Variants in CAMSAP2 observed in about 807,000 individuals in gnomAD.
CAMSAP2 encodes calmodulin-regulated spectrin-associated protein 2.
In CAMSAP2, 26 loss-of-function variants were observed where a neutral mutation model predicts 146.1. The ratio of observed to expected loss-of-function variants is 0.18; its 90% CI spans 0.13 to 0.25. The LOEUF (loss-of-function observed/expected upper bound fraction) is 0.25. Among genes scored for constraint, CAMSAP2 ranks in the 10% least tolerant of loss-of-function variants. The pLI is 1.00. For synonymous variants in CAMSAP2, 499 were observed against 596.6 expected, an observed-to-expected ratio of 0.84 and a Z score of 2.38; for missense variants, 1,381 against 1,759.3, an observed-to-expected ratio of 0.78 and a Z score of 3.85.
chr1:200,807,604 AT>A (rs1375619408), intron 3 of CAMSAP2, 67 bp downstream of exon 3: 11 of 1,176,428 alleles, frequency 9.4e-6, no homozygotes, highest in African/African-American at 1.6e-5. Flanking sequence ...TAAATTATAC[AT>A]TGCCACTTCA....
Position 200,857,420 on chromosome 1 carries a change from T to C in CAMSAP2, c.4127T>C (p.Leu1376Pro). 6.3e-7 allele frequency: 1 copy of C among 1,594,620 alleles called. No individual in the cohort carries two copies. The highest frequency in any genetic ancestry group is 8.6e-7 in the Non-Finnish European group (1 of 1,162,522). The change falls in exon 16 of 17, where the codon CTG becomes CCG. Residue 1376 changes from leucine to proline, a missense_variant. Leu to Pro is a moderately conservative substitution (Grantham distance 98). This residue lies in a region of CAMSAP2 where 90 missense variants were observed against 174.4 expected (regional missense o/e 0.52). Transcript: ENST00000358823. This position sits in a 1 kb window ranked among gnomAD's most constrained non-coding sequence, Gnocchi z 4.7. ...KVNEGQKKKI[L>P]EEMEKSDANN... ...AATGAAGGTCAGAAGAAAAAAATAC[T>C]GGAGGTAAGCATGTTTGCATGAAAA... is the stretch of plus-strand genomic sequence containing the variant.
At chr1:200,766,322 T>C (rs1395621842) in intron 2 of CAMSAP2, among the ~76,000 whole-genome samples, 3 of 152,080 alleles carry the variant, frequency 2.0e-5, no homozygotes, top group African/African-American at 7.2e-5. Flanking sequence ...ATTTTTTTAT[T>C]ATTTTTTTTG....
intron 1 of CAMSAP2, among the ~76,000 whole-genome samples, chr1:200,754,621 C>T (rs1283301635): frequency 1.7e-5 from 2 of 117,038 alleles, no homozygotes; most frequent in Non-Finnish European, 3.2e-5. Flanking sequence ...CTGGCTCTGT[C>T]GCCCAGGCTG....
chr1:200,775,737 C>G (rs1665252412), intron 2 of CAMSAP2, among the ~76,000 whole-genome samples: 1 of 152,172 alleles, frequency 6.6e-6, no homozygotes, highest in East Asian at 1.9e-4. Context: ...ACCATGTTGA[C>G]CCAGGCTGGT....
intron 4 of CAMSAP2, among the ~76,000 whole-genome samples, chr1:200,821,456 A>G (rs779835276): frequency 6.8e-4 from 104 of 152,360 alleles, no homozygotes; most frequent in Admixed American, 1.9e-3. Context: ...TGCTGGGATT[A>G]CAGGCCTTTG....
chr1:200,857,787 A>G lies in CAMSAP2; in HGVS notation c.4165A>G (p.Ile1389Val), dbSNP rs1444140298. 1.9e-6 allele frequency: 3 copies of G among 1,607,038 alleles called. No homozygotes were observed. Among genetic ancestry groups the G allele is most frequent in the Non-Finnish European group, 2.5e-6 (3 of 1,178,078 alleles). ...MEKSDANNFLILFRDSGCQFR... is the reference protein window; with the variant it reads ...MEKSDANNFLVLFRDSGCQFR... ...GAAATCAGATGCCAACAACTTCTTA[A>G]TCTTGTTCCGGGATTCAGGATGCCA... Residue 1389 changes from isoleucine (I) to valine (V), a missense_variant, in exon 17 of 17, where the codon ATC becomes GTC. Ile to Val is a conservative substitution (Grantham distance 29). Transcript: ENST00000358823. The surrounding 1 kb of genome is among the most constrained non-coding windows in gnomAD (Gnocchi z 4.7).
At chr1:200,842,901 A>T (rs936683043) in intron 7 of CAMSAP2, among the ~76,000 whole-genome samples, 2 of 151,480 alleles carry the variant, frequency 1.3e-5, no homozygotes, top group Admixed American at 6.6e-5. Context: ...ACTTGAACCC[A>T]GGAGGCAGAG....
intron 2 of CAMSAP2, among the ~76,000 whole-genome samples, chr1:200,778,423 A>T (rs1302694012): frequency 6.6e-6 from 1 of 152,204 alleles, no homozygotes; most frequent in Non-Finnish European, 1.5e-5. Flanking sequence ...CCTGGAGTTT[A>T]TACGAGAATC....
intron 13 of CAMSAP2, 89 bp from the exon 14 acceptor site, chr1:200,854,728 A>G (rs1367581664): frequency 2.4e-6 from 2 of 844,552 alleles, no homozygotes; most frequent in Non-Finnish European, 3.8e-6. Context: ...TGCTGGTGTT[A>G]TCTAATGAAC....
Position 200,849,555 on chromosome 1 carries a change from A to G in CAMSAP2, c.2786A>G (p.Gln929Arg). 1.2e-6 allele frequency: 2 copies of G among 1,614,208 alleles called. No homozygotes were observed. Among genetic ancestry groups the G allele is most frequent in the South Asian group, 1.1e-5 (1 of 91,088 alleles). ...CCTCCACAACCCTCTCCACAGAAACAGATTCGAGATTTTAAGCCTTCTAAG... is the reference window on the plus strand; with the variant it reads ...CCTCCACAACCCTCTCCACAGAAACGGATTCGAGATTTTAAGCCTTCTAAG... ...ISPPQPSPQK[Q>R]IRDFKPSKQA... Residue 929 changes from glutamine (Q) to arginine (R), a missense_variant, in exon 11 of 17, where the codon CAG becomes CGG. Transcript: ENST00000358823. This position sits in a 1 kb window ranked among gnomAD's most constrained non-coding sequence, Gnocchi z 6.3.
At chr1:200,803,630 AT>A (rs758842675) in intron 2 of CAMSAP2, among the ~76,000 whole-genome samples, 2 of 152,088 alleles carry the variant, frequency 1.3e-5, no homozygotes, top group East Asian at 1.9e-4. Flanking sequence ...AAAAAAAAAA[AT>A]CACACTAAAA....
intron 2 of CAMSAP2, among the ~76,000 whole-genome samples, chr1:200,769,564 G>A (rs1665057090): frequency 6.6e-6 from 1 of 152,154 alleles, no homozygotes; most frequent in African/African-American, 2.4e-5. Context: ...TCACTGACCG[G>A]CTTCAAGTTG....
intron 1 of CAMSAP2, among the ~76,000 whole-genome samples, chr1:200,757,317 C>G (rs1185372342): frequency 6.6e-6 from 1 of 152,202 alleles, no homozygotes; most frequent in Non-Finnish European, 1.5e-5. Flanking sequence ...GCAGTACTGT[C>G]TCTGCTCCCT....
At chr1:200,740,060 C>T (rs1300803886) in intron 1 of CAMSAP2, 94 bp downstream of exon 1, 5 of 1,393,688 alleles carry the variant, frequency 3.6e-6, no homozygotes, top group Non-Finnish European at 5.0e-6. Flanking sequence ...CCTCCCCGTG[C>T]CTGTCTTCTC....
chr1:200,765,002 G>T (rs1322766833), intron 2 of CAMSAP2, among the ~76,000 whole-genome samples: 1 of 152,042 alleles, frequency 6.6e-6, no homozygotes. Flanking sequence ...TACATGGGAG[G>T]TTGAGGCAGG....
chr1:200,831,005 A>G (rs1024490893), intron 4 of CAMSAP2, among the ~76,000 whole-genome samples: 4 of 152,212 alleles, frequency 2.6e-5, no homozygotes, highest in Non-Finnish European at 4.4e-5. Flanking sequence ...GTTCTCTTTC[A>G]GTAAATTTTT....
At chr1:200,803,854 C>T (rs1209037395) in intron 2 of CAMSAP2, among the ~76,000 whole-genome samples, 14 of 151,888 alleles carry the variant, frequency 9.2e-5, no homozygotes, top group Non-Finnish European at 2.9e-5. Flanking sequence ...TTTATTCATT[C>T]ATTTTCCCTT....
chr1:200,823,692 G>C (rs1666831926), intron 4 of CAMSAP2, among the ~76,000 whole-genome samples: 1 of 152,180 alleles, frequency 6.6e-6, no homozygotes, highest in African/African-American at 2.4e-5. Context: ...GGTTAAGGTA[G>C]TGTTTGTCAG....
intron 2 of CAMSAP2, among the ~76,000 whole-genome samples, chr1:200,782,824 T>A (rs1165637112): frequency 3.1e-5 from 4 of 130,354 alleles, no homozygotes; most frequent in African/African-American, 1.1e-4. Flanking sequence ...AGGGTCTTAC[T>A]CTGTCATCCA....
Sources: allele counts gnomAD v4.1 joint callset (sites outside exome capture counted in the v4.1 genomes callset), GRCh38; gene constraint gnomAD v4.1.1; regional missense constraint gnomAD v4.1.1; non-coding constraint Gnocchi (gnomAD v3.1); transcripts MANE v1.5; gene names NCBI Gene and HGNC (gene_info 2026-07-23, HGNC 2026-07-21).